Variants in CAPRIN2 observed in about 807,000 individuals in gnomAD.
The protein encoded by CAPRIN2 is caprin family member 2.
Under a neutral mutation model 130.4 loss-of-function variants are expected in CAPRIN2, and 66 were observed. The observed-to-expected ratio is 0.51, with a 90% confidence interval of 0.42 to 0.62. The LOEUF (loss-of-function observed/expected upper bound fraction) is 0.62. CAPRIN2 is among the 20% of genes least tolerant of loss of function. CAPRIN2 has a pLI of 0.00. For synonymous variants in CAPRIN2, 471 were observed against 444.1 expected (o/e 1.06, Z -0.76); for missense variants, 1,185 against 1,246.6 (o/e 0.95, Z 0.74).
In CAPRIN2 at chr12:30,710,167, G is replaced by A; in HGVS notation, c.2969C>T (p.Pro990Leu). 3 of 1,614,116 alleles carry A rather than the reference G, an allele frequency of 1.9e-6. No homozygotes were observed. The highest frequency in any genetic ancestry group is 2.5e-6 in the Non-Finnish European group (3 of 1,180,026). Residue 990 changes from proline (P) to leucine (L), a missense_variant, in exon 17 of 17, where the codon CCA (proline) becomes CTA (leucine). Pro to Leu is a moderately conservative substitution (Grantham distance 98). Transcript: ENST00000298892. The surrounding 1 kb of genome is among the most constrained non-coding windows in gnomAD (Gnocchi z 4.8). ...AATGAAAACGTAAGTGCCATTCACT[G>A]GGCAATTAAATCTACCAAGCTGAAG...
intron 8 of CAPRIN2, chr12:30,728,252 A>G (rs2061508403): frequency 6.2e-6 from 1 of 160,286 alleles, no homozygotes; most frequent in Non-Finnish European, 1.4e-5. Context: ...TTAACTTCAC[A>G]TGGGCTTTGA....
exon 8 of CAPRIN2, chr12:30,729,054 T>C (rs2061779032): frequency 6.2e-7 from 1 of 1,614,048 alleles, no homozygotes; most frequent in African/African-American, 1.3e-5. Context: ...GATCTCCTGC[T>C]TCTTCTGCTC....
chr12:30,716,649 G>A (rs1232028273), exon 13 of CAPRIN2: 1 of 1,613,908 alleles, frequency 6.2e-7, no homozygotes, highest in Non-Finnish European at 8.5e-7. Flanking sequence ...TCTTTTCGTG[G>A]AGGCAGAGGT....
At chr12:30,716,856 G>C (rs1337821804) in intron 12 of CAPRIN2, among the ~76,000 whole-genome samples, 180 bp from the exon 15 acceptor site, 1 of 152,138 alleles carries the variant, frequency 6.6e-6, no homozygotes, top group Non-Finnish European at 1.5e-5. Context: ...ATCATCATTA[G>C]TCATTAGGGA....
At chr12:30,735,818 A>G (rs1046257529) in intron 3 of CAPRIN2, among the ~76,000 whole-genome samples, 1 of 152,154 alleles carries the variant, frequency 6.6e-6, no homozygotes, top group Non-Finnish European at 1.5e-5. Flanking sequence ...TTAGCTGACA[A>G]AACAGATACA....
At chr12:30,750,732 G>A (rs1369006834) in intron 2 of CAPRIN2, among the ~76,000 whole-genome samples, 2 of 152,164 alleles carry the variant, frequency 1.3e-5, no homozygotes, top group African/African-American at 4.8e-5. Flanking sequence ...ATATACCAGT[G>A]AAGAGCTGAA....
At chr12:30,715,069 A>T in exon 14 of CAPRIN2, 1 of 1,613,940 alleles carries the variant, frequency 6.2e-7, no homozygotes, top group Non-Finnish European at 8.5e-7. Context: ...TCTGGGAAAC[A>T]CATTCGTCTG....
chr12:30,713,942 A>T, intron 14 of CAPRIN2, 57 bp from the exon 17 acceptor site: 1 of 1,044,538 alleles, frequency 9.6e-7, no homozygotes, highest in Non-Finnish European at 1.5e-6. Flanking sequence ...AAACTTTTAA[A>T]CAGTCTAATT....
chr12:30,734,391 T>A (rs1046352923), intron 4 of CAPRIN2, among the ~76,000 whole-genome samples: 1 of 151,962 alleles, frequency 6.6e-6, no homozygotes, highest in African/African-American at 2.4e-5. Context: ...ATTTACTCCA[T>A]CAAAACAAAA....
At chr12:30,732,142 G>A (rs572701354) in intron 5 of CAPRIN2, among the ~76,000 whole-genome samples, 5 of 151,886 alleles carry the variant, frequency 3.3e-5, no homozygotes, top group South Asian at 2.1e-4. Flanking sequence ...GATTTTACTC[G>A]AGTTATGCTG....
intron 8 of CAPRIN2, 178 bp downstream of exon 9, chr12:30,728,470 G>A (rs1299270353): frequency 5.4e-6 from 3 of 552,836 alleles, no homozygotes; most frequent in South Asian, 2.6e-5. Context: ...CAAGAGAATC[G>A]CTTGAATCCA....
rs549083268 is a variant in CAPRIN2, at chr12:30,721,288, G to A, written c.2044-373C>T. On this transcript the variant is annotated intron_variant, in intron 11 of 16. Coordinates refer to ENST00000298892, the Ensembl canonical transcript of CAPRIN2. ...CTGATTCTTGGCCCTGTAGTAGATA[G>A]CATTCACGGGAAGGTGAGCTCCGGG... Among the ~76,000 whole-genome samples the A allele has an allele frequency of 2.0e-5, 3 of 152,328 alleles. No homozygotes were observed. The East Asian group carries it at 5.8e-4, about 29-fold the overall frequency.
chr12:30,748,616 A>AT (rs1265051845), intron 2 of CAPRIN2, among the ~76,000 whole-genome samples: 1 of 152,172 alleles, frequency 6.6e-6, no homozygotes, highest in African/African-American at 2.4e-5. Flanking sequence ...AGAACCCATA[A>AT]TATCTCTGAG....
In CAPRIN2 at chr12:30,731,521, G is replaced by C; in HGVS notation, c.893-11C>G. On this transcript the variant is annotated splice_polypyrimidine_tract_variant and intron_variant, in intron 5 of 16. Coordinates refer to ENST00000298892, the Ensembl canonical transcript of CAPRIN2. ...CCTTCAAGTGTTTGTCTAAGAAAGA[G>C]TGATTAAGACTTAATTGTCACATGA... 6.2e-7 allele frequency: 1 copy of C among 1,606,262 alleles called. No homozygotes were observed. Among genetic ancestry groups the C allele is most frequent in the Non-Finnish European group, 8.5e-7 (1 of 1,175,638 alleles).
chr12:30,710,166 TG>T lies in CAPRIN2; in HGVS notation c.2969del (p.Pro990GlnfsTer2), dbSNP rs2053816327. ...AAATGAAAACGTAAGTGCCATTCAC[TG>T]GGCAATTAAATCTACCAAGCTGAAG... On this transcript the variant is annotated frameshift_variant, in exon 17 of 17. Transcript: ENST00000298892. LOFTEE classifies it high-confidence loss of function. The surrounding 1 kb of genome is among the most constrained non-coding windows in gnomAD (Gnocchi z 4.8). The T allele has an allele frequency of 6.2e-7, 1 of 1,614,030 alleles. No homozygotes were observed. Among genetic ancestry groups the T allele is most frequent in the Non-Finnish European group, 8.5e-7 (1 of 1,180,048 alleles).
At chr12:30,735,759 A>G (rs1486225089) in intron 3 of CAPRIN2, among the ~76,000 whole-genome samples, 1 of 152,154 alleles carries the variant, frequency 6.6e-6, no homozygotes, top group African/African-American at 2.4e-5. Context: ...AAAATTTTTT[A>G]AATAATAATT....
At chr12:30,728,845 A>G (rs575954435) in exon 8 of CAPRIN2, 1 of 1,614,102 alleles carries the variant, frequency 6.2e-7, no homozygotes, top group South Asian at 1.1e-5. Flanking sequence ...GGAGTGGTCC[A>G]TGACTTGGTG....
upstream of CAPRIN2, chr12:30,754,546 C>G (rs2075405887): frequency 6.6e-6 from 1 of 152,302 alleles, no homozygotes; most frequent in African/African-American, 2.4e-5. Context: ...CCCGGGTACG[C>G]AGAAGCCGCT....
intron 7 of CAPRIN2, 117 bp downstream of exon 8, chr12:30,730,122 A>G (rs922380974): frequency 1.3e-6 from 1 of 762,838 alleles, no homozygotes; most frequent in East Asian, 2.6e-5. Context: ...AAGCTAGTAA[A>G]CTGCAGAACC....
Sources: allele counts gnomAD v4.1 joint callset (sites outside exome capture counted in the v4.1 genomes callset), GRCh38; gene constraint gnomAD v4.1.1; non-coding constraint Gnocchi (gnomAD v3.1); transcripts MANE v1.5; gene names NCBI Gene and HGNC (gene_info 2026-07-23, HGNC 2026-07-21).